The following CHCT1 variants were observed in gnomAD, a reference collection of about 807,000 sequenced individuals.
CHCT1 encodes CHD1 helical C-terminal domain containing protein 1.
chr17:60,429,517 C>T, the CHCT1 span: 4 of 1,614,096 alleles, frequency 2.5e-6, no homozygotes, highest in African/African-American at 5.3e-5. Flanking sequence ...AAGGGAGCCC[C>T]CTGCCTGGGC....
the CHCT1 span, chr17:60,421,245 A>G: frequency 7.3e-6 from 4 of 551,008 alleles, no homozygotes; most frequent in Non-Finnish European, 9.2e-6. Context: ...TCCTCCCCTT[A>G]CAACAACAAC....
the CHCT1 span, chr17:60,426,097 T>C: frequency 2.0e-6 from 3 of 1,501,244 alleles, no homozygotes; most frequent in South Asian, 1.2e-5. Context: ...GCTGGATACC[T>C]GGGACTGCCC....
At chr17:60,425,976 C>A in the CHCT1 span, 2 of 1,294,486 alleles carry the variant, frequency 1.5e-6, no homozygotes, top group Non-Finnish European at 2.2e-6. Flanking sequence ...ACCCACAGCG[C>A]ATTGCCCCAC....
At chr17:60,426,551 AG>A in the CHCT1 span, 1 of 1,136,400 alleles carries the variant, frequency 8.8e-7, no homozygotes, top group Non-Finnish European at 1.2e-6. Context: ...ATACCAGGAT[AG>A]GATATTCAAG....
At chr17:60,429,262 A>T in the CHCT1 span, 1 of 1,304,914 alleles carries the variant, frequency 7.7e-7, no homozygotes, top group Non-Finnish European at 1.0e-6. Flanking sequence ...TGTGACCGGC[A>T]GGCAGACCTT....
the CHCT1 span, among the ~76,000 whole-genome samples, chr17:60,429,052 T>C: frequency 2.0e-5 from 3 of 152,002 alleles, no homozygotes; most frequent in Non-Finnish European, 4.4e-5. Context: ...ATTTAATTTT[T>C]GCTAAGTTAG....
the CHCT1 span, chr17:60,422,744 T>G: frequency 1.6e-6 from 2 of 1,245,208 alleles, no homozygotes; most frequent in Non-Finnish European, 1.1e-6. Flanking sequence ...AGAACAATGA[T>G]AGGGTACCTG....
chr17:60,428,123 G>A, the CHCT1 span, among the ~76,000 whole-genome samples: 5 of 152,176 alleles, frequency 3.3e-5, no homozygotes, highest in Non-Finnish European at 2.9e-5. Context: ...CATTCTATGT[G>A]CCAGGTACTT....
the CHCT1 span, chr17:60,421,861 C>T: frequency 2.0e-6 from 2 of 985,430 alleles, no homozygotes; most frequent in Non-Finnish European, 2.4e-6. Context: ...CACACGAGGC[C>T]GGCGACGGGA....
chr17:60,423,780 C>G, the CHCT1 span, among the ~76,000 whole-genome samples: 1 of 152,204 alleles, frequency 6.6e-6, no homozygotes, highest in Non-Finnish European at 1.5e-5. Context: ...TTTCAGCTTT[C>G]TTTGCCCCAC....
the CHCT1 span, chr17:60,422,741 T>C: frequency 1.6e-6 from 2 of 1,281,288 alleles, no homozygotes; most frequent in African/African-American, 3.0e-5. Flanking sequence ...AGAAGAACAA[T>C]GATAGGGTAC....
the CHCT1 span, chr17:60,422,363 C>A: frequency 8.7e-7 from 1 of 1,143,698 alleles, no homozygotes; most frequent in Non-Finnish European, 1.2e-6. Context: ...TTGCTCCGTT[C>A]CCTAGTCCAG....
At chr17:60,431,293 C>A in the CHCT1 span, 2 of 1,516,634 alleles carry the variant, frequency 1.3e-6, no homozygotes, top group African/African-American at 1.4e-5. Context: ...AAAGGGCCCG[C>A]TTGTCCTGGC....
the CHCT1 span, chr17:60,421,491 G>T: frequency 1.0e-6 from 1 of 985,478 alleles, no homozygotes; most frequent in South Asian, 4.7e-5. Flanking sequence ...GGGCCACACT[G>T]AGTGGGGACA....
the CHCT1 span, chr17:60,431,110 C>T: frequency 3.8e-6 from 4 of 1,048,614 alleles, no homozygotes; most frequent in South Asian, 1.4e-5. Context: ...CAACACCCCC[C>T]ATGTATTACA....
the CHCT1 span, chr17:60,422,742 G>A: frequency 7.8e-7 from 1 of 1,279,302 alleles, no homozygotes; most frequent in Non-Finnish European, 1.1e-6. Flanking sequence ...GAAGAACAAT[G>A]ATAGGGTACC....
chr17:60,429,649 G>A, the CHCT1 span: 3 of 1,317,924 alleles, frequency 2.3e-6, no homozygotes, highest in South Asian at 2.8e-5. Flanking sequence ...AAGCAGCCGG[G>A]AGCCTCTGCC....
At chr17:60,424,933 C>T in the CHCT1 span, among the ~76,000 whole-genome samples, 2 of 152,090 alleles carry the variant, frequency 1.3e-5, no homozygotes, top group East Asian at 1.9e-4. Flanking sequence ...GATAACAGCT[C>T]GAACATTATG....
At chr17:60,421,888 C>A in the CHCT1 span, 4 of 985,478 alleles carry the variant, frequency 4.1e-6, no homozygotes, top group Admixed American at 6.1e-5. Flanking sequence ...CGCGTCTCAG[C>A]GCCTCCTGTG....
Sources: gnomAD v4.1 joint callset for allele counts (sites outside exome capture counted in the v4.1 genomes callset) on GRCh38, gnomAD v4.1.1 for gene constraint, MANE v1.5 for transcripts, NCBI Gene and HGNC (gene_info 2026-07-23, HGNC 2026-07-21) for gene names.